The following PSMG4 variants were observed in gnomAD, a reference collection of about 807,000 sequenced individuals.
PSMG4 encodes the protein proteasome assembly chaperone 4, also known as proteasome (prosome, macropain) assembly chaperone 4.
In PSMG4, 10 loss-of-function variants were observed where a neutral mutation model predicts 11.0. The ratio of observed to expected loss-of-function variants is 0.91; its 90% CI spans 0.56 to 1.54. The LOEUF (loss-of-function observed/expected upper bound fraction) is 1.54, where lower values mean the gene tolerates loss of function less well. Among genes scored for constraint, PSMG4 ranks in the 40% most tolerant of loss-of-function variants. The probability of loss-of-function intolerance (pLI) is 0.00; values close to 1 mark genes in which losing one functional copy is unlikely to be tolerated. For missense variants in PSMG4, 198 were observed against 160.9 expected, an observed-to-expected ratio of 1.23 and a Z score of -1.25; for synonymous variants, 95 against 71.3, an observed-to-expected ratio of 1.33 and a Z score of -1.68.
At chr6:3,259,334 T>C in intron 1 of PSMG4, 138 bp downstream of exon 1, 1 of 818,558 alleles carries the variant, frequency 1.2e-6, no homozygotes, top group Non-Finnish European at 1.6e-6. Context: ...GTGGGATGTC[T>C]TAGGAAGCCC....
chr6:3,255,594 CTGAG>C (rs1440990747), upstream of PSMG4, among the ~76,000 whole-genome samples: 6 of 152,206 alleles, frequency 3.9e-5, no homozygotes, highest in South Asian at 8.3e-4. Flanking sequence ...GACCCACTGC[CTGAG>C]TGAGGCAGAA....
At chr6:3,254,783 T>A (rs1038555577), upstream of PSMG4, among the ~76,000 whole-genome samples, 1 of 152,112 alleles carries the variant, frequency 6.6e-6, no homozygotes. Context: ...AGGGTCTGGC[T>A]GAATGCTTGG....
intron 1 of PSMG4, among the ~76,000 whole-genome samples, chr6:3,259,666 C>T (rs1230860017): frequency 6.6e-6 from 1 of 152,256 alleles, no homozygotes; most frequent in African/African-American, 2.4e-5. Flanking sequence ...GCAGCTCCAT[C>T]TTCCTGGCTG....
rs1264357024 is a variant in PSMG4 at position 3,260,289 on chromosome 6, A to ATTTTTTT, written c.174+1094_174+1095insTTTTTTT. Among the ~76,000 whole-genome samples the ATTTTTTT allele has an allele frequency of 5.8e-3, 180 of 31,044 alleles. 1 individual carries two copies. Among genetic ancestry groups the ATTTTTTT allele is most frequent in the Admixed American group, 0.014 (40 of 2,956 alleles). 20.4% of individuals were successfully genotyped at this position (31,044 alleles called of 152,430 possible). A position where few individuals can be genotyped will look rare whatever the true frequency, so the allele number is the denominator to read the frequency against. On this transcript the variant is annotated intron_variant, in intron 1 of 2. Coordinates refer to ENST00000438998, the MANE Select transcript of PSMG4 (RefSeq NM_001128591.2). ...CTTGTCTTAAATTGTATATATATAT[A>ATTTTTTT]TATTTTTTTTTTTTTTTTTTGAAGC...
chr6:3,263,832 C>G, intron 2 of PSMG4, 73 bp downstream of exon 2: 1 of 1,514,920 alleles, frequency 6.6e-7, no homozygotes, highest in Non-Finnish European at 8.9e-7. Context: ...TGAAGCAAGT[C>G]CCTTCGGAAG....
chr6:3,254,759 T>C (rs1729566550), upstream of PSMG4, among the ~76,000 whole-genome samples: 1 of 152,248 alleles, frequency 6.6e-6, no homozygotes, highest in South Asian at 2.1e-4. Context: ...TTAAAAACTG[T>C]AATGCTCACC....
chr6:3,257,301 C>G (rs756129877), upstream of PSMG4, among the ~76,000 whole-genome samples: 2 of 152,164 alleles, frequency 1.3e-5, no homozygotes, highest in Non-Finnish European at 2.9e-5. Flanking sequence ...GGCTGTGACC[C>G]TCTGCCTGTG....
At chr6:3,260,912 C>A (rs546608500) in intron 1 of PSMG4, among the ~76,000 whole-genome samples, 2 of 152,360 alleles carry the variant, frequency 1.3e-5, no homozygotes, top group South Asian at 4.1e-4. Context: ...TCCTGCCTGT[C>A]CTCGAGCTGG....
Position 3,263,690 on chromosome 6 carries a change from A to T in PSMG4, c.181A>T (p.Ile61Phe). 1 of 1,548,026 alleles carries T rather than the reference A, an allele frequency of 6.5e-7. No individual in the cohort carries two copies. Among genetic ancestry groups the T allele is most frequent in the Non-Finnish European group, 8.7e-7 (1 of 1,145,522 alleles). ...AVAMCSRYDS[I>F]PVSTSLLGDT... ...CCCTTTGCTTTTCTTTTAGGACTCC[A>T]TCCCCGTGTCTACCTCCCTCCTTGG... The change falls in exon 2 of 3, where the codon ATC (isoleucine) becomes TTC (phenylalanine). Residue 61 changes from isoleucine (I) to phenylalanine (F), a missense_variant. Ile to Phe is a conservative substitution (Grantham distance 21). Transcript: ENST00000438998.
intron 2 of PSMG4, 141 bp downstream of exon 2, chr6:3,263,900 T>C: frequency 6.9e-7 from 1 of 1,450,712 alleles, no homozygotes; most frequent in Non-Finnish European, 9.1e-7. Context: ...CACAGACCTT[T>C]GCACGTTGGG....
At chr6:3,259,614 C>A (rs1166888023) in intron 1 of PSMG4, among the ~76,000 whole-genome samples, 1 of 152,252 alleles carries the variant, frequency 6.6e-6, no homozygotes, top group East Asian at 1.9e-4. Flanking sequence ...AGGCTCTCTT[C>A]TCCAAACCTG....
upstream of PSMG4, chr6:3,255,179 G>A (rs912728032): frequency 1.2e-5 from 19 of 1,550,596 alleles, no homozygotes; most frequent in East Asian, 2.4e-5. Flanking sequence ...TTACATGTGC[G>A]CTCTGGTGGA....
upstream of PSMG4, among the ~76,000 whole-genome samples, chr6:3,254,886 G>A (rs968332976): frequency 7.3e-5 from 11 of 151,468 alleles, no homozygotes; most frequent in South Asian, 2.1e-4. Flanking sequence ...GGGTGACTCC[G>A]ACCTTGTAAG....
upstream of PSMG4, chr6:3,255,082 C>T (rs1325109169): frequency 7.7e-6 from 12 of 1,550,900 alleles, no homozygotes; most frequent in Admixed American, 3.9e-5. Flanking sequence ...GCTTCTATTC[C>T]TAAGAAGTTG....
At chr6:3,254,471 A>G (rs369976344), upstream of PSMG4, among the ~76,000 whole-genome samples, 58 of 151,682 alleles carry the variant, frequency 3.8e-4, no homozygotes, top group Non-Finnish European at 6.2e-4. Context: ...GTGTCTTTTT[A>G]GATAAATATT....
chr6:3,257,453 G>A (rs140802122), upstream of PSMG4, among the ~76,000 whole-genome samples: 174 of 152,312 alleles, frequency 1.1e-3, 1 homozygote, highest in Non-Finnish European at 2.1e-3. Context: ...CCACCGGTCG[G>A]TAACTTTGTT....
intron 1 of PSMG4, among the ~76,000 whole-genome samples, chr6:3,259,995 A>G (rs1384137412): frequency 6.6e-6 from 1 of 152,138 alleles, no homozygotes. Flanking sequence ...GCTGGGGTAC[A>G]GTGTCATTAT....
In PSMG4 at chr6:3,258,972, C is replaced by A; in HGVS notation, c.-51C>A. ...GCTCCATCGGGTCTGGCGGGGCTGG[C>A]AGCGGCGAGGACCCGGGTCTGGCGC... On this transcript the variant is annotated 5_prime_UTR_variant, in exon 1 of 3. Coordinates refer to ENST00000438998, the MANE Select transcript of PSMG4 (RefSeq NM_001128591.2). The A allele has an allele frequency of 8.1e-7, 1 of 1,233,250 alleles. No homozygotes were observed. The highest frequency in any genetic ancestry group is 1.0e-6 in the Non-Finnish European group (1 of 986,532). The allele number at this position is 1,233,250 out of a possible 1,614,324, so 76.4% of individuals were successfully genotyped here.
Position 3,264,207 on chromosome 6 carries a change from A to G in PSMG4, c.250+448A>G, listed in dbSNP as rs1283440350. Reference sequence around the variant, plus strand: ...GTCCTCACTCAGTGTGATACCGTTCAGGGCTCGGAGGGAAGACTGGCCTGG... The same window carrying G: ...GTCCTCACTCAGTGTGATACCGTTCGGGGCTCGGAGGGAAGACTGGCCTGG... On this transcript the variant is annotated intron_variant, in intron 2 of 2. Coordinates refer to ENST00000438998, the MANE Select transcript of PSMG4 (RefSeq NM_001128591.2). 3.2e-6 allele frequency: 5 copies of G among 1,551,580 alleles called. No homozygotes were observed. In the African/African-American group the frequency reaches 5.5e-5, roughly 17 times the overall value.
Sources: allele counts gnomAD v4.1 joint callset (sites outside exome capture counted in the v4.1 genomes callset), GRCh38; gene constraint gnomAD v4.1.1; transcripts MANE v1.5; gene names NCBI Gene and HGNC (gene_info 2026-07-23, HGNC 2026-07-21).